The following GABRR1 variants were observed in gnomAD, a reference collection of about 807,000 sequenced individuals.
GABRR1 encodes gamma-aminobutyric acid type A receptor subunit rho1.
Under a neutral mutation model 55.5 loss-of-function variants are expected in GABRR1, and 59 were observed. The ratio of observed to expected loss-of-function variants is 1.06; its 90% confidence interval spans 0.86 to 1.32. The LOEUF (loss-of-function observed/expected upper bound fraction) is 1.32, where lower values mean the gene tolerates loss of function less well. Ranked by LOEUF, GABRR1 falls within the 40% of genes most tolerant of loss-of-function variation. The pLI is 0.00. For synonymous variants in GABRR1, 213 were observed against 226.0 expected (o/e 0.94, Z 0.51); for missense variants, 602 against 619.1 (o/e 0.97, Z 0.29).
intron 1 of GABRR1, among the ~76,000 whole-genome samples, chr6:89,223,332 G>C (rs1282328179): frequency 6.6e-6 from 1 of 152,172 alleles, no homozygotes; most frequent in East Asian, 1.9e-4. Flanking sequence ...ACTTCACTTA[G>C]AGTAATATTC....
intron 5 of GABRR1, among the ~76,000 whole-genome samples, chr6:89,194,971 C>A (rs939613351): frequency 1.3e-5 from 2 of 151,938 alleles, no homozygotes; most frequent in Non-Finnish European, 2.9e-5. Context: ...AAAGCTTAGT[C>A]AAAGGAATAA....
At chr6:89,183,873 T>A (rs1322530236) in intron 7 of GABRR1, among the ~76,000 whole-genome samples, 2 of 151,730 alleles carry the variant, frequency 1.3e-5, no homozygotes, top group Non-Finnish European at 2.9e-5. Flanking sequence ...GTGGAGAAGG[T>A]GGGAGGAGAG....
At chr6:89,205,966 G>C (rs939635741) in intron 1 of GABRR1, among the ~76,000 whole-genome samples, 1 of 142,272 alleles carries the variant, frequency 7.0e-6, no homozygotes, top group East Asian at 2.1e-4. Flanking sequence ...TCTCAGACAT[G>C]TACTGCTCAT....
rs781739684 is a variant in GABRR1, at chr6:89,185,360, A to G, written c.746T>C (p.Leu249Pro). The G allele has an allele frequency of 2.9e-5, 46 of 1,613,818 alleles. No homozygotes were observed. Among genetic ancestry groups the G allele is most frequent in the Non-Finnish European group, 3.8e-5 (45 of 1,179,850 alleles). ...GGTGGTGGTGTGGAATTCCTGAATG[A>G]GGAACTGGGAGAGTGAGATCCGTTC... ...TDERISLSQF[L>P]IQEFHTTTKL... is the part of the protein sequence containing the mutation. Residue 249 changes from leucine to proline, a missense_variant, in exon 7 of 10, where the codon CTC becomes CCC. Transcript: ENST00000454853.
chr6:89,187,127 G>C (rs1485075270), intron 6 of GABRR1, among the ~76,000 whole-genome samples: 8 of 152,120 alleles, frequency 5.3e-5, no homozygotes, highest in Admixed American at 4.6e-4. Context: ...AGAATGGAGC[G>C]GACATGTAGA....
At chr6:89,203,376 C>T in intron 2 of GABRR1, 59 bp downstream of exon 2, 4 of 1,439,402 alleles carry the variant, frequency 2.8e-6, no homozygotes, top group South Asian at 1.1e-5. Context: ...AAAATCACTA[C>T]AGTTGAGGTT....
chr6:89,206,925 T>C (rs192598305), intron 1 of GABRR1, among the ~76,000 whole-genome samples: 1 of 152,118 alleles, frequency 6.6e-6, no homozygotes, highest in Non-Finnish European at 1.5e-5. Context: ...GCCTCTACGT[T>C]ACACATCTCT....
rs534159308 is a variant in GABRR1 at position 89,192,932 on chromosome 6, T to C, written c.573-2685A>G. 2.0e-5 allele frequency among the ~76,000 whole-genome samples: 3 copies of C among 152,332 alleles called. No individual in the cohort carries two copies. The South Asian group carries it at 6.2e-4, about 32-fold the overall frequency. On this transcript the variant is annotated intron_variant, in intron 5 of 9. Transcript: ENST00000454853. ...TGGAATAGGTTTTTCAATATTACCT[T>C]AGTAAAATCTACCAAGCATAATAGA...
At chr6:89,218,538 T>C (rs1773060691), upstream of GABRR1, among the ~76,000 whole-genome samples, 1 of 152,250 alleles carries the variant, frequency 6.6e-6, no homozygotes, top group South Asian at 2.1e-4. Flanking sequence ...TTCTTCTTAT[T>C]TGAATTCAGA....
chr6:89,178,868 T>C lies in GABRR1; in HGVS notation c.1342A>G (p.Met448Val). The change falls in exon 10 of 10, where the codon ATG becomes GTG. Residue 448 changes from methionine to valine, a missense_variant. By Grantham distance (21) the Met-to-Val change is conservative (BLOSUM62 1). Around this residue, in one of 3 missense-constraint regions of GABRR1, gnomAD observed 139 missense variants for 141.1 expected, o/e 0.99. Transcript: ENST00000454853. ...RKSQRSSYVS[M>V]RIDTHAIDKY... ...TCAATGGCGTGGGTGTCGATTCTCATGCTCACATAGCTGCTTCTCTGACTT... is the reference window on the plus strand; with the variant it reads ...TCAATGGCGTGGGTGTCGATTCTCACGCTCACATAGCTGCTTCTCTGACTT... 1 of 1,614,206 alleles carries C rather than the reference T, an allele frequency of 6.2e-7. No homozygotes were observed. The highest frequency in any genetic ancestry group is 8.5e-7 in the Non-Finnish European group (1 of 1,180,036).
At chr6:89,209,720 T>C (rs550023738) in intron 1 of GABRR1, among the ~76,000 whole-genome samples, 5 of 152,158 alleles carry the variant, frequency 3.3e-5, no homozygotes, top group African/African-American at 1.2e-4. Flanking sequence ...TGAGGCAGCT[T>C]ACAGTATTGG....
chr6:89,222,435 A>T (rs1773128519), intron 1 of GABRR1, among the ~76,000 whole-genome samples: 1 of 152,208 alleles, frequency 6.6e-6, no homozygotes, highest in Non-Finnish European at 1.5e-5. Flanking sequence ...CACTCAGATT[A>T]GTCAGAACAT....
At chr6:89,182,558 G>A (rs1300344005) in intron 7 of GABRR1, among the ~76,000 whole-genome samples, 1 of 152,132 alleles carries the variant, frequency 6.6e-6, no homozygotes, top group African/African-American at 2.4e-5. Flanking sequence ...CCAAAATGCT[G>A]AGATTACAGG....
At chr6:89,203,377 A>C in intron 2 of GABRR1, 58 bp downstream of exon 2, 1 of 1,446,676 alleles carries the variant, frequency 6.9e-7, no homozygotes, top group Non-Finnish European at 9.7e-7. Flanking sequence ...AAATCACTAC[A>C]GTTGAGGTTC....
chr6:89,197,935 A>T, intron 5 of GABRR1, 85 bp downstream of exon 5: 1 of 1,090,178 alleles, frequency 9.2e-7, no homozygotes, highest in South Asian at 1.3e-5. Flanking sequence ...GTTAGAAAGT[A>T]GACATTCAGA....
chr6:89,214,997 C>G (rs1772942733), intron 1 of GABRR1, among the ~76,000 whole-genome samples: 1 of 152,058 alleles, frequency 6.6e-6, no homozygotes, highest in South Asian at 2.1e-4. Context: ...GTCTCTAAAA[C>G]AAACGAACAA....
At chr6:89,183,783 G>A (rs1275265228) in intron 7 of GABRR1, among the ~76,000 whole-genome samples, 3 of 152,124 alleles carry the variant, frequency 2.0e-5, no homozygotes, top group Non-Finnish European at 2.9e-5. Flanking sequence ...GATACCACAT[G>A]TTCTCACTTA....
chr6:89,195,008 A>G (rs1297650841), intron 5 of GABRR1, among the ~76,000 whole-genome samples: 1 of 152,184 alleles, frequency 6.6e-6, no homozygotes, highest in Admixed American at 6.5e-5. Context: ...AAAACTCAAG[A>G]AGGAGATAAA....
Position 89,185,417 on chromosome 6 carries a change from C to T in GABRR1, c.689G>A (p.Trp230Ter), listed in dbSNP as rs1343017092. Residue 230 changes from tryptophan (W) to a stop codon, truncating the protein, a stop_gained, in exon 7 of 10, where the codon TGG (tryptophan) becomes TAG (stop). Transcript: ENST00000454853. LOFTEE classifies it high-confidence loss of function. ...CTTTAAGGAGTCATTGCCCTTTTTC[C>T]AGTACAGCATGAGGTCATCTTCTGT... ...AYTEDDLMLY[W>*]KKGNDSLKTD... 8.1e-6 allele frequency: 13 copies of T among 1,613,672 alleles called. No individual in the cohort carries two copies. Among genetic ancestry groups the T allele is most frequent in the Non-Finnish European group, 1.1e-5 (13 of 1,179,678 alleles).
Sources: allele counts gnomAD v4.1 joint callset (sites outside exome capture counted in the v4.1 genomes callset), GRCh38; gene constraint gnomAD v4.1.1; regional missense constraint gnomAD v4.1.1; transcripts MANE v1.5; gene names NCBI Gene and HGNC (gene_info 2026-07-23, HGNC 2026-07-21).